HERC2: variants seen among roughly 807,000 people sequenced by gnomAD.
HERC2 encodes HECT and RLD domain containing E3 ubiquitin protein ligase 2.
A neutral mutation model predicts 537.7 loss-of-function variants in HERC2; 102 were observed. The ratio of observed to expected loss-of-function variants is 0.19; its 90% CI spans 0.16 to 0.22. The LOEUF (loss-of-function observed/expected upper bound fraction) is 0.22, where lower values mean the gene tolerates loss of function less well. Among genes scored for constraint, HERC2 ranks in the 10% least tolerant of loss-of-function variants. HERC2 has a pLI of 1.00. For missense variants in HERC2, 4,236 were observed against 6,198.2 expected, an observed-to-expected ratio of 0.68 and a Z score of 10.63; for synonymous variants, 2,224 against 2,466.2, an observed-to-expected ratio of 0.90 and a Z score of 2.91.
chr15:28,179,418 G>C (rs1035842156), intron 57 of HERC2, among the ~76,000 whole-genome samples, 195 bp from the exon 58 acceptor site: 2 of 152,200 alleles, frequency 1.3e-5, no homozygotes, highest in African/African-American at 4.8e-5. Flanking sequence ...CTGCCTAGTG[G>C]TGTCCTGGCC....
At chr15:28,205,312 T>A (rs1392352582) in intron 45 of HERC2, among the ~76,000 whole-genome samples, 2 of 36,140 alleles carry the variant, frequency 5.5e-5, no homozygotes, top group Non-Finnish European at 1.2e-4. Context: ...AGCGTCTTCT[T>A]TTGATCTCTG....
chr15:28,245,592 C>CAGATAT (rs1903608148), intron 23 of HERC2, among the ~76,000 whole-genome samples: 1 of 139,664 alleles, frequency 7.2e-6, no homozygotes, highest in African/African-American at 2.5e-5. Flanking sequence ...CACACACACA[C>CAGATAT]ACACACACAC....
rs58447102 is a variant in HERC2, at chr15:28,279,615, C to CCACACACACACACACACA, written c.542+435_542+452dup. On this transcript the variant is annotated intron_variant, in intron 5 of 92. Coordinates refer to ENST00000261609, the MANE Select transcript of HERC2 (RefSeq NM_004667.6). ...TGAGGCCAGGAGCAAGACCCCATCT[C>CCACACACACACACACACA]CACACACACACACACACACACACAC... 3.9e-3 allele frequency among the ~76,000 whole-genome samples: 546 copies of CCACACACACACACACACA among 141,668 alleles called. 4 individuals are homozygous for CCACACACACACACACACA. Among genetic ancestry groups the CCACACACACACACACACA allele is most frequent in the African/African-American group, 0.014 (514 of 37,798 alleles). 92.9% of individuals were successfully genotyped at this position (141,668 alleles called of 152,430 possible).
intron 3 of HERC2, among the ~76,000 whole-genome samples, chr15:28,298,980 T>A (rs1213237537): frequency 6.6e-6 from 1 of 152,112 alleles, no homozygotes; most frequent in Non-Finnish European, 1.5e-5. Flanking sequence ...TTCAACAAGT[T>A]TAGGGTGTAT....
intron 44 of HERC2, among the ~76,000 whole-genome samples, chr15:28,209,685 T>C (rs1053589981): frequency 6.6e-6 from 1 of 152,124 alleles, no homozygotes; most frequent in Non-Finnish European, 1.5e-5. Context: ...AGGATGTACA[T>C]AGGTTATATG....
In HERC2 at chr15:28,278,532, T is replaced by C. The variant is rs910833074; in HGVS notation, c.542+1536A>G. Among the ~76,000 whole-genome samples the C allele has an allele frequency of 3.9e-5, 6 of 152,306 alleles. 1 individual carries two copies. The highest frequency in any genetic ancestry group is 1.2e-4 in the African/African-American group (5 of 41,566). On this transcript the variant is annotated intron_variant, in intron 5 of 92. Transcript: ENST00000261609. The stretch of plus-strand genomic sequence containing the variant: ...CTTTTCTTCCAATATTTTCGATCCA[T>C]AGTTGGTTGAATCTGTGGATGTGAA...
intron 2 of HERC2, among the ~76,000 whole-genome samples, chr15:28,300,052 TAAAA>T (rs34917808): frequency 1.6e-5 from 2 of 126,302 alleles, no homozygotes; most frequent in Non-Finnish European, 3.2e-5. Flanking sequence ...GACTCGGTGT[TAAAA>T]AAAAAAAAAA....
chr15:28,167,942 T>G, intron 67 of HERC2, 115 bp from the exon 68 acceptor site: 1 of 1,173,940 alleles, frequency 8.5e-7, no homozygotes, highest in African/African-American at 1.5e-5. Context: ...GTTTAGAATG[T>G]TCCAGATTTT....
chr15:28,232,181 C>A (rs1341048003), intron 30 of HERC2, among the ~76,000 whole-genome samples: 1 of 152,166 alleles, frequency 6.6e-6, no homozygotes, highest in East Asian at 1.9e-4. Context: ...TCAAAATGCC[C>A]ATCGGAAACT....
intron 78 of HERC2, 54 bp downstream of exon 78, chr15:28,141,378 A>G (rs1891207388): frequency 6.5e-7 from 1 of 1,530,762 alleles, no homozygotes; most frequent in African/African-American, 1.4e-5. Context: ...CAGCACCTTT[A>G]GCCACAACTG....
intron 4 of HERC2, among the ~76,000 whole-genome samples, chr15:28,288,647 G>A (rs934648854): frequency 2.0e-5 from 3 of 151,170 alleles, no homozygotes; most frequent in Non-Finnish European, 4.4e-5. Context: ...GGAGTTCAAG[G>A]CGAGCCTGGC....
rs537452259 is a variant in HERC2 at position 28,253,134 on chromosome 15, T to C, written c.3050+1206A>G. ...TTCACTTTCTAATCTCTTTCACAAA[T>C]CACCTTGCTTTTTCGCTCTTCTTGG... is the stretch of plus-strand genomic sequence containing the variant. On this transcript the variant is annotated intron_variant, in intron 20 of 92. Coordinates refer to ENST00000261609, the MANE Select transcript of HERC2 (RefSeq NM_004667.6). 9.2e-5 allele frequency among the ~76,000 whole-genome samples: 14 copies of C among 152,266 alleles called. No individual in the cohort carries two copies. In the South Asian group the frequency reaches 2.9e-3, roughly 32 times the overall value.
chr15:28,282,262 G>A (rs920332527), intron 4 of HERC2, among the ~76,000 whole-genome samples: 1 of 152,208 alleles, frequency 6.6e-6, no homozygotes, highest in African/African-American at 2.4e-5. Context: ...ACCTAGAGTC[G>A]CCTAACAACA....
At chr15:28,286,225 TTAGAAGCTAA>T (rs1184326811) in intron 4 of HERC2, among the ~76,000 whole-genome samples, 5 of 152,016 alleles carry the variant, frequency 3.3e-5, no homozygotes, top group East Asian at 1.9e-4. Flanking sequence ...GAAGCTAATA[TTAGAAGCTAA>T]TAGAAGCTAA....
At chr15:28,255,367 A>C (rs1001295240) in intron 19 of HERC2, among the ~76,000 whole-genome samples, 2 of 152,184 alleles carry the variant, frequency 1.3e-5, no homozygotes, top group Non-Finnish European at 2.9e-5. Flanking sequence ...AAAGCAATTA[A>C]ACGTCCTTCA....
chr15:28,190,706 G>A (rs900301493), intron 55 of HERC2: 1 of 516,716 alleles, frequency 1.9e-6, no homozygotes, highest in Non-Finnish European at 3.4e-6. Context: ...GAAAACTTTT[G>A]CTAGGAGCAG....
At chr15:28,114,206 C>T (rs1008690194) in intron 90 of HERC2, among the ~76,000 whole-genome samples, 7 of 152,180 alleles carry the variant, frequency 4.6e-5, no homozygotes, top group African/African-American at 1.2e-4. Context: ...GCCTGAATCA[C>T]GGCACCCAAA....
At chr15:28,270,212 T>C (rs1323004449) in intron 10 of HERC2, among the ~76,000 whole-genome samples, 19 of 151,760 alleles carry the variant, frequency 1.3e-4, no homozygotes, top group Admixed American at 9.9e-4. Context: ...TATAGATAGA[T>C]AGATAGATAG....
chr15:28,187,941 T>A (rs545110993), intron 55 of HERC2, among the ~76,000 whole-genome samples: 1 of 152,308 alleles, frequency 6.6e-6, no homozygotes, highest in Admixed American at 6.5e-5. Flanking sequence ...CGAAGAGAGA[T>A]GCGTCTGGAA....
Sources: gnomAD v4.1 joint callset for allele counts (sites outside exome capture counted in the v4.1 genomes callset) on GRCh38, gnomAD v4.1.1 for gene constraint, MANE v1.5 for transcripts, NCBI Gene and HGNC (gene_info 2026-07-23, HGNC 2026-07-21) for gene names.